Variants in SHANK2 observed in about 807,000 individuals in gnomAD.
SHANK2 encodes SH3 and multiple ankyrin repeat domains protein 2.
A neutral mutation model predicts 133.7 loss-of-function variants in SHANK2; 43 were observed. The observed-to-expected ratio is 0.32, with a 90% CI of 0.25 to 0.41. The LOEUF (loss-of-function observed/expected upper bound fraction) is 0.41. SHANK2 is among the 10% of genes least tolerant of loss of function. The pLI is 1.00. For synonymous variants in SHANK2, 1,017 were observed against 952.8 expected (o/e 1.07, Z -1.24); for missense variants, 1,994 against 2,235.8 (o/e 0.89, Z 2.18).
intron 8 of SHANK2, among the ~76,000 whole-genome samples, chr11:71,084,315 A>G (rs1398413156): frequency 6.6e-5 from 10 of 152,254 alleles, no homozygotes; most frequent in African/African-American, 2.4e-4. Context: ...CTGAGCTCAA[A>G]TGGGGCTCTT....
chr11:71,145,097 G>A (rs1473454212), intron 3 of SHANK2, among the ~76,000 whole-genome samples: 5 of 152,142 alleles, frequency 3.3e-5, no homozygotes, highest in East Asian at 3.8e-4. Flanking sequence ...AAAAGACCAC[G>A]CCTATCCTCC....
intron 10 of SHANK2, among the ~76,000 whole-genome samples, chr11:70,927,010 A>G (rs1950437185): frequency 6.6e-6 from 1 of 152,166 alleles, no homozygotes; most frequent in African/African-American, 2.4e-5. Flanking sequence ...TGCTTAAAAC[A>G]GGCAAAAGCC....
At chr11:70,511,679 A>G (rs1265628205) in intron 17 of SHANK2, among the ~76,000 whole-genome samples, 1 of 152,192 alleles carries the variant, frequency 6.6e-6, no homozygotes, top group Admixed American at 6.5e-5. Context: ...CCAAAAAAAG[A>G]GTAATGTGCC....
intron 14 of SHANK2, among the ~76,000 whole-genome samples, chr11:70,748,130 T>A (rs1022734983): frequency 1.3e-5 from 2 of 152,156 alleles, no homozygotes; most frequent in South Asian, 4.2e-4. Flanking sequence ...ACCCTGGGTC[T>A]TGACTCCCAG....
At chr11:70,527,402 G>A (rs1205615018) in intron 17 of SHANK2, among the ~76,000 whole-genome samples, 2 of 152,192 alleles carry the variant, frequency 1.3e-5, no homozygotes, top group African/African-American at 4.8e-5. Context: ...CGACCCCCAT[G>A]GTCCCCGCTT....
intron 14 of SHANK2, among the ~76,000 whole-genome samples, chr11:70,744,804 C>T (rs1946604397): frequency 6.6e-6 from 1 of 152,228 alleles, no homozygotes; most frequent in Non-Finnish European, 1.5e-5. Context: ...ATCTGAGGGG[C>T]CCCTTGGCTG....
chr11:70,680,922 G>A (rs1411510123), intron 15 of SHANK2, among the ~76,000 whole-genome samples: 2 of 152,034 alleles, frequency 1.3e-5, no homozygotes, highest in African/African-American at 2.4e-5. Flanking sequence ...CAGGTCCTGC[G>A]GCCGAGATAC....
intron 1 of SHANK2, among the ~76,000 whole-genome samples, chr11:71,250,822 A>C (rs1948165386): frequency 6.6e-6 from 1 of 151,984 alleles, no homozygotes; most frequent in Admixed American, 6.5e-5. Context: ...TGGGTCGGCA[A>C]AACCGAGGCC....
intron 1 of SHANK2, among the ~76,000 whole-genome samples, chr11:71,250,159 A>C (rs1948155915): frequency 6.6e-6 from 1 of 152,150 alleles, no homozygotes; most frequent in Non-Finnish European, 1.5e-5. Context: ...AAAGCAGCCA[A>C]GTGCTGTCAA....
At chr11:70,801,609 C>T (rs931078938) in intron 13 of SHANK2, among the ~76,000 whole-genome samples, 5 of 152,186 alleles carry the variant, frequency 3.3e-5, no homozygotes, top group Admixed American at 2.6e-4. Context: ...AGACTCCACA[C>T]CCTGGGTAAG....
intron 17 of SHANK2, among the ~76,000 whole-genome samples, chr11:70,598,100 C>T (rs1252636811): frequency 6.6e-6 from 1 of 152,224 alleles, no homozygotes; most frequent in Non-Finnish European, 1.5e-5. Flanking sequence ...GAACTCTGGC[C>T]ATGCGCTGGA....
intron 17 of SHANK2, among the ~76,000 whole-genome samples, chr11:70,605,642 T>C (rs2060566375): frequency 6.6e-6 from 1 of 152,200 alleles, no homozygotes; most frequent in Non-Finnish European, 1.5e-5. Context: ...AGCATGTCCA[T>C]ATCGAACTCT....
intron 14 of SHANK2, among the ~76,000 whole-genome samples, chr11:70,766,142 C>T (rs1432235005): frequency 6.6e-6 from 1 of 152,200 alleles, no homozygotes; most frequent in South Asian, 2.1e-4. Context: ...TTTCTTGAAC[C>T]TTTCGCTCTT....
At chr11:70,711,004 G>C (rs1945770520) in intron 14 of SHANK2, among the ~76,000 whole-genome samples, 1 of 152,210 alleles carries the variant, frequency 6.6e-6, no homozygotes, top group Admixed American at 6.5e-5. Context: ...AAAAGAGAGA[G>C]AGAGAGGGAG....
At chr11:71,074,020 G>A (rs1006666317) in intron 9 of SHANK2, among the ~76,000 whole-genome samples, 15 of 152,328 alleles carry the variant, frequency 9.8e-5, no homozygotes, top group African/African-American at 3.6e-4. Context: ...GCATGGAGGC[G>A]TGGCACTGAC....
At chr11:70,515,316 G>T (rs945874812) in intron 17 of SHANK2, among the ~76,000 whole-genome samples, 1 of 152,198 alleles carries the variant, frequency 6.6e-6, no homozygotes, top group African/African-American at 2.4e-5. Context: ...TGGGACTACA[G>T]GCATGAACCA....
intron 2 of SHANK2, among the ~76,000 whole-genome samples, chr11:71,223,305 G>C (rs1219887530): frequency 6.6e-6 from 1 of 152,234 alleles, no homozygotes; most frequent in Admixed American, 6.5e-5. Context: ...TCATGGGGTG[G>C]TGGAAGGTGA....
At chr11:70,586,373 T>A (rs782563664) in intron 17 of SHANK2, among the ~76,000 whole-genome samples, 14 of 152,032 alleles carry the variant, frequency 9.2e-5, no homozygotes, top group Admixed American at 4.6e-4. Context: ...GAAGGCTTGC[T>A]GGGGGCAGGA....
intron 3 of SHANK2, among the ~76,000 whole-genome samples, chr11:71,130,472 T>C (rs1318078441): frequency 6.6e-6 from 1 of 152,224 alleles, no homozygotes; most frequent in Non-Finnish European, 1.5e-5. Flanking sequence ...AAAATGGCGA[T>C]GATGACGGGT....
Sources: allele counts gnomAD v4.1 joint callset (sites outside exome capture counted in the v4.1 genomes callset), GRCh38; gene constraint gnomAD v4.1.1; transcripts MANE v1.5; gene names NCBI Gene and HGNC (gene_info 2026-07-23, HGNC 2026-07-21).